The following RFX2 variants were observed in gnomAD, a reference collection of about 807,000 sequenced individuals.
RFX2 encodes DNA-binding protein RFX2.
A neutral mutation model predicts 87.8 loss-of-function variants in RFX2; 20 were observed. That is an observed-to-expected ratio of 0.23 (90% confidence interval 0.16 to 0.33). The LOEUF is 0.33. Among genes scored for constraint, RFX2 ranks in the 10% least tolerant of loss-of-function variants. The pLI is 1.00. For synonymous variants in RFX2, 397 were observed against 431.3 expected (o/e 0.92, Z 0.98); for missense variants, 767 against 1,012.3 (o/e 0.76, Z 3.29).
chr19:6,015,868 A>G (rs546661735), intron 7 of RFX2, among the ~76,000 whole-genome samples: 1 of 152,370 alleles, frequency 6.6e-6, no homozygotes, highest in South Asian at 2.1e-4. Flanking sequence ...AGAGAAAACC[A>G]GAGTGATCCC....
Position 6,021,722 on chromosome 19 carries a change from C to G in RFX2, c.597+4441G>C, listed in dbSNP as rs2086813536. 2.0e-5 allele frequency among the ~76,000 whole-genome samples: 3 copies of G among 152,234 alleles called. No homozygotes were observed. In the South Asian group the frequency reaches 6.2e-4, roughly 31 times the overall value. On this transcript the variant is annotated intron_variant, in intron 6 of 17. Coordinates refer to ENST00000303657, the MANE Select transcript of RFX2 (RefSeq NM_000635.4). This position sits in a 1 kb window ranked among gnomAD's most constrained non-coding sequence, Gnocchi z 5.7. ...GAGGAGTGGGAGAGAGCGGGTCCTG[C>G]AGGGCCTTGTGGGCCATTTTGACAA... is the stretch of plus-strand genomic sequence containing the variant.
In RFX2 at chr19:6,007,018, C is replaced by T; in HGVS notation, c.1396G>A (p.Val466Ile). 1 of 1,613,880 alleles carries T rather than the reference C, an allele frequency of 6.2e-7. No homozygotes were observed. The highest frequency in any genetic ancestry group is 8.5e-7 in the Non-Finnish European group (1 of 1,179,908). ...GGGGCCGTGGGTCACTTACTGGGGA[C>T]CGGCCTCAGCACGTCGGGGATGAGA... ...EILIPDVLRPVPSTLTQAIRN... is the reference protein window; with the variant it reads ...EILIPDVLRPIPSTLTQAIRN... Residue 466 changes from valine (V) to isoleucine (I), a missense_variant, in exon 12 of 18, where the codon GTC becomes ATC. Physicochemically the swap from Val to Ile is conservative, Grantham distance 29. Around this residue, in one of 2 missense-constraint regions of RFX2, gnomAD observed 621 missense variants for 873.0 expected, o/e 0.71. Coordinates refer to ENST00000303657, the MANE Select transcript of RFX2 (RefSeq NM_000635.4). This position sits in a 1 kb window ranked among gnomAD's most constrained non-coding sequence, Gnocchi z 8.2.
rs1208227238 is a variant in RFX2 at position 6,013,162 on chromosome 19, C to T, written c.780-57G>A. On this transcript the variant is annotated intron_variant, in intron 7 of 17. Transcript: ENST00000303657. The surrounding 1 kb of genome is among the most constrained non-coding windows in gnomAD (Gnocchi z 4.1). ...TTTGCAGATGTCCTGAACAACAAGA[C>T]AGGTTGGGATTCTTTTTCTTTCTTT... The T allele has an allele frequency of 1.3e-5, 20 of 1,481,792 alleles. No individual in the cohort carries two copies. The highest frequency in any genetic ancestry group is 9.0e-7 in the Non-Finnish European group (1 of 1,111,364). The allele number at this position is 1,481,792 out of a possible 1,614,324, so 91.8% of individuals were successfully genotyped here. A position where few individuals can be genotyped will look rare whatever the true frequency, so the allele number is the denominator to read the frequency against.
chr19:6,097,175 C>A (rs1465279699), intron 1 of RFX2, among the ~76,000 whole-genome samples: 1 of 152,164 alleles, frequency 6.6e-6, no homozygotes, highest in African/African-American at 2.4e-5. Context: ...CACTGGGCAA[C>A]AGAGGAGACA....
chr19:6,076,494 A>G (rs1399537539), intron 1 of RFX2, among the ~76,000 whole-genome samples: 1 of 152,160 alleles, frequency 6.6e-6, no homozygotes, highest in Admixed American at 6.5e-5. Context: ...TCCAGTTTCT[A>G]GCTGGGTGAC....
chr19:6,098,364 C>T (rs1057052299), intron 1 of RFX2, among the ~76,000 whole-genome samples: 1 of 152,016 alleles, frequency 6.6e-6, no homozygotes, highest in African/African-American at 2.4e-5. Context: ...CTCCCTGCAC[C>T]GAGACAGCGC....
At position 6,039,947 on chromosome 19, in the gene RFX2, C is replaced by G; in HGVS notation, c.522+33G>C. 1 of 1,516,370 alleles carries G rather than the reference C, an allele frequency of 6.6e-7. No homozygotes were observed. The highest frequency in any genetic ancestry group is 8.9e-7 in the Non-Finnish European group (1 of 1,121,510). The allele number at this position is 1,516,370 out of a possible 1,614,324, so 93.9% of individuals were successfully genotyped here. On this transcript the variant is annotated intron_variant, in intron 5 of 17. Coordinates refer to ENST00000303657, the MANE Select transcript of RFX2 (RefSeq NM_000635.4). The surrounding 1 kb of genome is among the most constrained non-coding windows in gnomAD (Gnocchi z 5.2). ...CCGCTGCTTCGAGAATACTCATGGCCTACCCTGCTGGTCCCAAGAGCCTCC... is the reference window on the plus strand; with the variant it reads ...CCGCTGCTTCGAGAATACTCATGGCGTACCCTGCTGGTCCCAAGAGCCTCC...
At chr19:6,035,850 G>GGGGTGT (rs1555776252) in intron 5 of RFX2, among the ~76,000 whole-genome samples, 18 of 137,166 alleles carry the variant, frequency 1.3e-4, no homozygotes, top group African/African-American at 5.1e-4. Flanking sequence ...CTTGGTGGGG[G>GGGGTGT]GTGTGTGTGT....
At position 6,010,469 on chromosome 19, in the gene RFX2, G is replaced by A. The variant is rs146980056; in HGVS notation, c.900-218C>T. On this transcript the variant is annotated intron_variant, in intron 8 of 17. Coordinates refer to ENST00000303657, the MANE Select transcript of RFX2 (RefSeq NM_000635.4). This position sits in a 1 kb window ranked among gnomAD's most constrained non-coding sequence, Gnocchi z 5.0. The stretch of plus-strand genomic sequence containing the variant: ...CACTGGTTGTGCAACCCTCACCGTC[G>A]TCATCTCCAGAACTTGATCATCTTC... 6.6e-6 allele frequency among the ~76,000 whole-genome samples: 1 copy of A among 152,292 alleles called. No homozygotes were observed. Among genetic ancestry groups the A allele is most frequent in the East Asian group, 1.9e-4 (1 of 5,190 alleles).
Position 6,040,130 on chromosome 19 carries a change from CG to C in RFX2, c.371del (p.Pro124ArgfsTer90). 1 of 1,609,678 alleles carries C rather than the reference CG, an allele frequency of 6.2e-7. No individual in the cohort carries two copies. Among genetic ancestry groups the C allele is most frequent in the Non-Finnish European group, 8.5e-7 (1 of 1,177,724 alleles). ...CCATGCTGTGGGAGGGGACCGCTGG[CG>C]GGGACGAGGCTGCCACGGTCACCTG... ...GAQVTVAASSPPAVPSHSMVG... is the reference protein window; with the variant it reads ...GAQVTVAASSXPAVPSHSMVG... On this transcript the variant is annotated frameshift_variant, in exon 5 of 18. Coordinates refer to ENST00000303657, the MANE Select transcript of RFX2 (RefSeq NM_000635.4). LOFTEE classifies it high-confidence loss of function. This position sits in a 1 kb window ranked among gnomAD's most constrained non-coding sequence, Gnocchi z 6.1.
chr19:6,057,926 C>G (rs1266304857), intron 1 of RFX2, among the ~76,000 whole-genome samples: 2 of 152,152 alleles, frequency 1.3e-5, no homozygotes, highest in Non-Finnish European at 2.9e-5. Context: ...AGATTCTGTC[C>G]TCACTGTTCA....
chr19:6,039,902 C>G lies in RFX2; in HGVS notation c.522+78G>C. 6.9e-7 allele frequency: 1 copy of G among 1,445,458 alleles called. No homozygotes were observed. 89.5% of individuals were successfully genotyped at this position (1,445,458 alleles called of 1,614,324 possible). A position where few individuals can be genotyped will look rare whatever the true frequency, so the allele number is the denominator to read the frequency against. On this transcript the variant is annotated intron_variant, in intron 5 of 17. Coordinates refer to ENST00000303657, the MANE Select transcript of RFX2 (RefSeq NM_000635.4). This position sits in a 1 kb window ranked among gnomAD's most constrained non-coding sequence, Gnocchi z 5.2. ...AGCCCCTCCGGGCCTCCGGCTGCCT[C>G]TTACTCACCATCCCTGCTGCCGCTG...
intron 5 of RFX2, among the ~76,000 whole-genome samples, chr19:6,029,753 G>A (rs1207334874): frequency 1.3e-5 from 2 of 152,094 alleles, no homozygotes; most frequent in Non-Finnish European, 2.9e-5. Flanking sequence ...TGAGAGTGAT[G>A]TTTCACCAGT....
In RFX2 at chr19:5,994,755, G is replaced by T; in HGVS notation, c.*80C>A. 4.5e-6 allele frequency: 4 copies of T among 895,920 alleles called. No homozygotes were observed. The highest frequency in any genetic ancestry group is 5.3e-6 in the Non-Finnish European group (3 of 562,744). The allele number at this position is 895,920 out of a possible 1,614,324, so 55.5% of individuals were successfully genotyped here. On this transcript the variant is annotated 3_prime_UTR_variant, in exon 18 of 18. Coordinates refer to ENST00000303657, the MANE Select transcript of RFX2 (RefSeq NM_000635.4). ...CACATCATCTAAGAGGCACTAATTT[G>T]GTGGAGCCGGTGAAATCCAGGTTCC...
Position 6,040,004 on chromosome 19 carries a change from G to A in RFX2, c.498C>T (p.His166=). ...GMDSTRHSLA[H]TSRSSPATLE... is the part of the protein sequence containing the mutation. ...CCGTGGCGGGCGATGAGCGGGAGGT[G>A]TGGGCCAGGGAGTGTCTGGTGCTGT... The change falls in exon 5 of 18, where the codon CAC becomes CAT. Residue 166 remains histidine, a synonymous_variant. Transcript: ENST00000303657. The surrounding 1 kb of genome is among the most constrained non-coding windows in gnomAD (Gnocchi z 6.1). 7 of 1,596,084 alleles carry A rather than the reference G, an allele frequency of 4.4e-6. No individual in the cohort carries two copies. Among genetic ancestry groups the A allele is most frequent in the Non-Finnish European group, 6.0e-6 (7 of 1,169,884 alleles).
intron 1 of RFX2, among the ~76,000 whole-genome samples, chr19:6,094,633 GGGCCACACGT>G (rs2087995078): frequency 6.6e-6 from 1 of 152,160 alleles, no homozygotes; most frequent in Non-Finnish European, 1.5e-5. Flanking sequence ...ATAGAAGCCA[GGGCCACACGT>G]GGCTGCTGAG....
In RFX2 at chr19:6,098,965, C is replaced by CAAAAAA. The variant is rs34110529; in HGVS notation, c.-9+11422_-9+11427dup. ...AATCTTTCACAAACTGCTTGAACCA[C>CAAAAAA]AAAAAAAAAAAAAAAAAAAAAAAAA... On this transcript the variant is annotated intron_variant, in intron 1 of 17. Coordinates refer to ENST00000303657, the MANE Select transcript of RFX2 (RefSeq NM_000635.4). Among the ~76,000 whole-genome samples, 199 of 52,750 alleles carry CAAAAAA rather than the reference C, an allele frequency of 3.8e-3. 24 individuals are homozygous for CAAAAAA. Among genetic ancestry groups the CAAAAAA allele is most frequent in the African/African-American group, 9.1e-3 (175 of 19,168 alleles). The allele number at this position is 52,750 out of a possible 152,430, so 34.6% of individuals were successfully genotyped here.
chr19:6,100,626 C>T (rs1039167466), intron 1 of RFX2, among the ~76,000 whole-genome samples: 1 of 151,880 alleles, frequency 6.6e-6, no homozygotes, highest in African/African-American at 2.4e-5. Context: ...CCACGTAAAT[C>T]GGAGGAAGGT....
At chr19:6,075,854 C>T (rs997061151) in intron 1 of RFX2, among the ~76,000 whole-genome samples, 3 of 152,156 alleles carry the variant, frequency 2.0e-5, no homozygotes, top group Admixed American at 6.5e-5. Flanking sequence ...TCTTGTACCT[C>T]GGTGAGATCA....
Sources: allele counts gnomAD v4.1 joint callset (sites outside exome capture counted in the v4.1 genomes callset), GRCh38; gene constraint gnomAD v4.1.1; regional missense constraint gnomAD v4.1.1; non-coding constraint Gnocchi (gnomAD v3.1); transcripts MANE v1.5; gene names NCBI Gene and HGNC (gene_info 2026-07-23, HGNC 2026-07-21).